The following NXPH2 variants were observed in gnomAD, a reference collection of about 807,000 sequenced individuals.
NXPH2 encodes neurexophilin 2, also known as neurexophilin-2.
Under a neutral mutation model 19.8 loss-of-function variants are expected in NXPH2, and 5 were observed. That is an observed-to-expected ratio of 0.25 (90% confidence interval 0.13 to 0.53). NXPH2 has a LOEUF of 0.53. Ranked by LOEUF, NXPH2 falls within the 20% of genes least tolerant of loss-of-function variation. NXPH2 has a pLI of 0.96. For missense variants in NXPH2, 289 were observed against 322.8 expected (o/e 0.90, Z 0.80); for synonymous variants, 154 against 127.4 (o/e 1.21, Z -1.41).
intron 1 of NXPH2, among the ~76,000 whole-genome samples, chr2:138,725,345 C>T (rs368849408): frequency 1.4e-3 from 213 of 152,316 alleles, no homozygotes; most frequent in African/African-American, 4.7e-3. Context: ...CATTTATCTA[C>T]CCTCTGAACC....
chr2:138,713,809 C>T (rs553340992), intron 1 of NXPH2, among the ~76,000 whole-genome samples: 2 of 152,198 alleles, frequency 1.3e-5, no homozygotes, highest in Non-Finnish European at 2.9e-5. Context: ...CAGGGGAATC[C>T]AATGTGTTCC....
At chr2:138,674,906 C>A (rs916733315) in intron 1 of NXPH2, among the ~76,000 whole-genome samples, 32 of 152,292 alleles carry the variant, frequency 2.1e-4, no homozygotes, top group African/African-American at 7.7e-4. Context: ...ACACACCTAC[C>A]ATTTGCGGAA....
At chr2:138,735,017 G>C (rs941616666) in intron 1 of NXPH2, among the ~76,000 whole-genome samples, 3 of 152,206 alleles carry the variant, frequency 2.0e-5, no homozygotes, top group African/African-American at 7.2e-5. Flanking sequence ...CAAACAGGAA[G>C]AAGGTGAAGT....
chr2:138,759,763 T>C (rs1162298439), intron 1 of NXPH2, among the ~76,000 whole-genome samples: 1 of 144,920 alleles, frequency 6.9e-6, no homozygotes, highest in Non-Finnish European at 1.5e-5. Flanking sequence ...GGAGTCTTGC[T>C]CTGTGGTCCA....
chr2:138,717,071 A>G (rs1348695141), intron 1 of NXPH2, among the ~76,000 whole-genome samples: 1 of 152,218 alleles, frequency 6.6e-6, no homozygotes, highest in African/African-American at 2.4e-5. Context: ...TTTCAAATCA[A>G]CAGAGAAATA....
rs558833211 is a variant in NXPH2, at chr2:138,671,094, G to A, written c.623C>T (p.Ser208Phe). 1.2e-6 allele frequency: 2 copies of A among 1,613,844 alleles called. No homozygotes were observed. The highest frequency in any genetic ancestry group is 2.7e-5 in the African/African-American group (2 of 74,922). The change falls in exon 2 of 2, where the codon TCC becomes TTC. Residue 208 changes from serine (S) to phenylalanine (F), a missense_variant. Transcript: ENST00000272641. ...AGTCTGCTCCTGGTAGCAGATCTTG[G>A]ATGGGTCAAAGTTGCACAGGGCGGT... Reference protein sequence around the residue: ...KKTALCNFDPSKICYQEQTQS... With the variant: ...KKTALCNFDPFKICYQEQTQS...
At chr2:138,761,312 A>T (rs998354591) in intron 1 of NXPH2, among the ~76,000 whole-genome samples, 1 of 152,176 alleles carries the variant, frequency 6.6e-6, no homozygotes, top group Non-Finnish European at 1.5e-5. Context: ...ATCTGATCTC[A>T]TGAATCACCA....
intron 1 of NXPH2, among the ~76,000 whole-genome samples, chr2:138,729,138 T>C (rs1681405682): frequency 6.6e-6 from 1 of 152,212 alleles, no homozygotes; most frequent in Admixed American, 6.5e-5. Flanking sequence ...TCAACAGCTT[T>C]AGTGCCTGAT....
At chr2:138,728,155 G>GCT (rs58409379) in intron 1 of NXPH2, among the ~76,000 whole-genome samples, 22,112 of 148,586 alleles carry the variant, frequency 0.15, 1,907 homozygotes, top group African/African-American at 0.24. Flanking sequence ...ACCAGAGTGC[G>GCT]CTCTCTCTCT....
chr2:138,706,265 A>T (rs776354743), intron 1 of NXPH2, among the ~76,000 whole-genome samples: 12 of 152,242 alleles, frequency 7.9e-5, no homozygotes, highest in Admixed American at 6.5e-5. Context: ...CAGCTGAGGG[A>T]ACTGATGCTT....
At chr2:138,728,960 C>T (rs1351424657) in intron 1 of NXPH2, among the ~76,000 whole-genome samples, 1 of 152,172 alleles carries the variant, frequency 6.6e-6, no homozygotes, top group African/African-American at 2.4e-5. Context: ...AATAAGGTCT[C>T]TTAGGAATCT....
intron 1 of NXPH2, among the ~76,000 whole-genome samples, chr2:138,725,398 T>A (rs1382405806): frequency 6.6e-6 from 1 of 152,176 alleles, no homozygotes; most frequent in Non-Finnish European, 1.5e-5. Context: ...TCTATACCAA[T>A]CTGTAATAGA....
intron 1 of NXPH2, among the ~76,000 whole-genome samples, chr2:138,687,171 A>C (rs879239318): frequency 6.6e-6 from 1 of 152,218 alleles, no homozygotes; most frequent in East Asian, 1.9e-4. Flanking sequence ...TCCCACCAAC[A>C]GTGTAAAAAT....
intron 1 of NXPH2, among the ~76,000 whole-genome samples, chr2:138,678,630 G>T (rs17597780): frequency 0.16 from 24,041 of 151,920 alleles, 2,031 homozygotes; most frequent in East Asian, 0.22. Context: ...TGTTGTTAAT[G>T]TGTCTGTCAT....
chr2:138,676,038 A>G (rs929820241), intron 1 of NXPH2, among the ~76,000 whole-genome samples: 11 of 152,032 alleles, frequency 7.2e-5, no homozygotes, highest in African/African-American at 1.4e-4. Flanking sequence ...TTAGCACATC[A>G]TATTTCTAGC....
chr2:138,687,323 A>T (rs1223369609), intron 1 of NXPH2, among the ~76,000 whole-genome samples: 1 of 152,050 alleles, frequency 6.6e-6, no homozygotes, highest in African/African-American at 2.4e-5. Context: ...GCATTTTTTC[A>T]TGTGTCTTTT....
chr2:138,727,980 A>C (rs542750828), intron 1 of NXPH2, among the ~76,000 whole-genome samples: 1 of 152,264 alleles, frequency 6.6e-6, no homozygotes, highest in Non-Finnish European at 1.5e-5. Flanking sequence ...AGTATTTCCT[A>C]GGTATGTGAC....
chr2:138,737,738 T>A (rs1301028716), intron 1 of NXPH2, among the ~76,000 whole-genome samples: 1 of 152,152 alleles, frequency 6.6e-6, no homozygotes, highest in African/African-American at 2.4e-5. Flanking sequence ...AATATCCTCA[T>A]CAGTATCTAT....
chr2:138,707,091 T>C (rs536078696), intron 1 of NXPH2, among the ~76,000 whole-genome samples: 1 of 1,208 alleles, frequency 8.3e-4, no homozygotes. Flanking sequence ...ACTTGCCCCA[T>C]GACAAAAAAA....
Sources: gnomAD v4.1 joint callset for allele counts (sites outside exome capture counted in the v4.1 genomes callset) on GRCh38, gnomAD v4.1.1 for gene constraint, MANE v1.5 for transcripts, NCBI Gene and HGNC (gene_info 2026-07-23, HGNC 2026-07-21) for gene names.